TASOR2: variants seen among roughly 807,000 people sequenced by gnomAD.
The protein encoded by TASOR2 is protein TASOR 2.
TASOR2 carries 84 observed loss-of-function variants against 199.5 expected under a neutral mutation model. The ratio of observed to expected loss-of-function variants is 0.42; its 90% CI spans 0.35 to 0.50. The LOEUF (loss-of-function observed/expected upper bound fraction) is 0.50. Among genes scored for constraint, TASOR2 ranks in the 20% least tolerant of loss-of-function variants. The probability of loss-of-function intolerance (pLI) is 0.02; values close to 1 mark genes in which losing one functional copy is unlikely to be tolerated. For synonymous variants in TASOR2, 1,103 were observed against 1,046.6 expected (o/e 1.05, Z -1.04); for missense variants, 2,796 against 2,835.9 (o/e 0.99, Z 0.32).
chr10:5,708,365 G>A (rs1421274992), intron 1 of TASOR2, among the ~76,000 whole-genome samples: 1 of 151,990 alleles, frequency 6.6e-6, no homozygotes, highest in Non-Finnish European at 1.5e-5. Context: ...AAGTATCTGT[G>A]CCTCCATGAA....
At chr10:5,723,860 C>A in intron 7 of TASOR2, 83 bp downstream of exon 8, 1 of 769,302 alleles carries the variant, frequency 1.3e-6, no homozygotes, top group Non-Finnish European at 2.0e-6. Context: ...CTCACACATG[C>A]ACACTTCTGT....
chr10:5,715,995 C>T (rs1259468959), intron 2 of TASOR2, among the ~76,000 whole-genome samples: 2 of 152,272 alleles, frequency 1.3e-5, no homozygotes, highest in Non-Finnish European at 1.5e-5. Flanking sequence ...ACCTAGAGGG[C>T]ATAGCCTACT....
rs17143106 is a variant in TASOR2, at chr10:5,738,622, A to T, written c.1448-996A>T. ...TGCCCTTGTCGTTCTAATTGATGAC[A>T]TCATAGGCTGGAGCTGTCTTCTCTT... On this transcript the variant is annotated intron_variant, in intron 12 of 20. Coordinates refer to ENST00000328090, the Ensembl canonical transcript of TASOR2. This position sits in a 1 kb window ranked among gnomAD's most constrained non-coding sequence, Gnocchi z 4.7. Among the ~76,000 whole-genome samples the T allele has an allele frequency of 0.025, 3,756 of 152,232 alleles. 59 individuals carry two copies. The highest frequency in any genetic ancestry group is 0.037 in the South Asian group (178 of 4,824).
intron 12 of TASOR2, among the ~76,000 whole-genome samples, chr10:5,739,251 T>G (rs1836041024): frequency 6.6e-6 from 1 of 152,192 alleles, no homozygotes; most frequent in South Asian, 2.1e-4. Context: ...TTTGGGTTTT[T>G]TTGTTTGTAC....
At chr10:5,693,740 T>C (rs1172025844) in intron 1 of TASOR2, among the ~76,000 whole-genome samples, 3 of 152,234 alleles carry the variant, frequency 2.0e-5, no homozygotes, top group Non-Finnish European at 4.4e-5. Context: ...ATTATGTTTA[T>C]TTAAAATTTC....
intron 11 of TASOR2, among the ~76,000 whole-genome samples, chr10:5,731,971 A>G (rs1326402001): frequency 6.6e-6 from 1 of 152,226 alleles, no homozygotes; most frequent in African/African-American, 2.4e-5. Flanking sequence ...CAGAGTTTCT[A>G]ATCCTTTATG....
Position 5,723,833 on chromosome 10 carries a change from C to A in TASOR2, c.247+56C>A. The A allele has an allele frequency of 3.3e-6, 4 of 1,194,234 alleles. No individual in the cohort carries two copies. The South Asian group carries it at 6.1e-5, about 18-fold the overall frequency. The allele number at this position is 1,194,234 out of a possible 1,614,324, so 74.0% of individuals were successfully genotyped here. A position where few individuals can be genotyped will look rare whatever the true frequency, so the allele number is the denominator to read the frequency against. On this transcript the variant is annotated intron_variant, in intron 7 of 20. Coordinates refer to ENST00000328090, the Ensembl canonical transcript of TASOR2. ...TCCTGGGCTTTGTTCTGGTTATTTT[C>A]TGCTCTCTTCCAAACACTCACACAT...
rs748410062 is a variant in TASOR2, at chr10:5,720,874, T to G, written c.50T>G (p.Leu17Arg). The G allele has an allele frequency of 3.1e-6, 5 of 1,609,862 alleles. No individual in the cohort carries two copies. In the Admixed American group the frequency reaches 8.4e-5, roughly 27 times the overall value. Reference sequence around the variant, plus strand: ...TTTTTTACCTTCATTTCTTCAGTTCTCATGTCTCCATGGAAAGGGAAATTA... The same window carrying G: ...TTTTTTACCTTCATTTCTTCAGTTCGCATGTCTCCATGGAAAGGGAAATTA... Residue 17 changes from leucine (L) to arginine (R), a missense_variant, in exon 6 of 21, where the codon CTC becomes CGC. Leu to Arg is a moderately radical substitution (Grantham distance 102, BLOSUM62 -2). Around this residue, in one of 3 missense-constraint regions of TASOR2, gnomAD observed 847 missense variants for 887.4 expected, o/e 0.95. Transcript: ENST00000328090. The surrounding 1 kb of genome is among the most constrained non-coding windows in gnomAD (Gnocchi z 5.3).
At chr10:5,755,475 C>T (rs1249083456) in intron 15 of TASOR2, among the ~76,000 whole-genome samples, 1 of 151,522 alleles carries the variant, frequency 6.6e-6, no homozygotes, top group Non-Finnish European at 1.5e-5. Context: ...TAGGGAGGCT[C>T]AGGGAGGTGA....
chr10:5,685,829 A>G lies in TASOR2; in HGVS notation c.-288+654A>G, dbSNP rs1039417164. On this transcript the variant is annotated intron_variant, in intron 1 of 20. Transcript: ENST00000328090. The surrounding 1 kb of genome is among the most constrained non-coding windows in gnomAD (Gnocchi z 5.4). ...CGCTTCTTGTCTATTTGAAATCTGT[A>G]ACTTTAAACAAACCACGCTTACTCT... is the stretch of plus-strand genomic sequence containing the variant. 1.7e-4 allele frequency among the ~76,000 whole-genome samples: 26 copies of G among 152,178 alleles called. No individual in the cohort carries two copies. The highest frequency in any genetic ancestry group is 1.9e-4 in the Non-Finnish European group (13 of 68,014).
Position 5,761,185 on chromosome 10 carries a change from GAA to G in TASOR2, c.6993-103_6993-102del. On this transcript the variant is annotated intron_variant, in intron 18 of 20. Coordinates refer to ENST00000328090, the Ensembl canonical transcript of TASOR2. Reference sequence around the variant, plus strand: ...GTGTCATGAAAAAGAACGTCAAGAAGAAAGGCAGAGGAACTCATGAGTTTGAA... The same window carrying G: ...GTGTCATGAAAAAGAACGTCAAGAAGAGGCAGAGGAACTCATGAGTTTGAA... The G allele has an allele frequency of 4.7e-6, 4 of 845,236 alleles. No homozygotes were observed. In the South Asian group the frequency reaches 6.9e-5, roughly 15 times the overall value. The allele number at this position is 845,236 out of a possible 1,614,324, so 52.4% of individuals were successfully genotyped here.
rs1356098574 is a variant in TASOR2 at position 5,689,829 on chromosome 10, A to G, written c.-288+4654A>G. Among the ~76,000 whole-genome samples, 1 of 152,200 alleles carries G rather than the reference A, an allele frequency of 6.6e-6. No individual in the cohort carries two copies. The highest frequency in any genetic ancestry group is 1.5e-5 in the Non-Finnish European group (1 of 68,028). On this transcript the variant is annotated intron_variant, in intron 1 of 20. Coordinates refer to ENST00000328090, the Ensembl canonical transcript of TASOR2. The surrounding 1 kb of genome is among the most constrained non-coding windows in gnomAD (Gnocchi z 4.1). Reference sequence around the variant, plus strand: ...GTTTCCCACAGCTTCCCCAACAGACATACATTGCCAAACTTGTGGATTTTT... The same window carrying G: ...GTTTCCCACAGCTTCCCCAACAGACGTACATTGCCAAACTTGTGGATTTTT...
chr10:5,695,403 GTACA>G (rs1396221542), intron 1 of TASOR2, among the ~76,000 whole-genome samples: 1 of 152,172 alleles, frequency 6.6e-6, no homozygotes, highest in Non-Finnish European at 1.5e-5. Flanking sequence ...TGACTATTGA[GTACA>G]TACATATACA....
rs892799331 is a variant in TASOR2 at position 5,750,555 on chromosome 10, C to G, written c.6606+528C>G. On this transcript the variant is annotated intron_variant, in intron 15 of 20. Coordinates refer to ENST00000328090, the Ensembl canonical transcript of TASOR2. This position sits in a 1 kb window ranked among gnomAD's most constrained non-coding sequence, Gnocchi z 5.4. The stretch of plus-strand genomic sequence containing the variant: ...TGAACCTGTCTTGATTCACCATTAA[C>G]TTCATTGTTTTATCCTCCCAGAATT... Among the ~76,000 whole-genome samples, 2 of 152,144 alleles carry G rather than the reference C, an allele frequency of 1.3e-5. No individual in the cohort carries two copies. Among genetic ancestry groups the G allele is most frequent in the Non-Finnish European group, 2.9e-5 (2 of 68,024 alleles).
exon 15 of TASOR2, chr10:5,749,453 C>A: frequency 6.2e-7 from 1 of 1,614,176 alleles, no homozygotes; most frequent in Non-Finnish European, 8.5e-7. Flanking sequence ...GAGTCACCAA[C>A]CCAGATCTCC....
intron 1 of TASOR2, among the ~76,000 whole-genome samples, chr10:5,688,665 G>T (rs1231985697): frequency 6.6e-6 from 1 of 152,002 alleles, no homozygotes; most frequent in East Asian, 1.9e-4. Context: ...GAAAACATTG[G>T]TTCACTGAAT....
In TASOR2 at chr10:5,689,717, G is replaced by A. The variant is rs1352911871; in HGVS notation, c.-288+4542G>A. On this transcript the variant is annotated intron_variant, in intron 1 of 20. Transcript: ENST00000328090. The surrounding 1 kb of genome is among the most constrained non-coding windows in gnomAD (Gnocchi z 4.1). ...AATTTATTAAATGTGATTTCCATTCGTGTTATTTATCTTAATGTATAAATA... is the reference window on the plus strand; with the variant it reads ...AATTTATTAAATGTGATTTCCATTCATGTTATTTATCTTAATGTATAAATA... 1.3e-5 allele frequency among the ~76,000 whole-genome samples: 2 copies of A among 152,080 alleles called. No homozygotes were observed. The highest frequency in any genetic ancestry group is 2.1e-4 in the South Asian group (1 of 4,824).
At chr10:5,731,024 C>A in exon 11 of TASOR2, 1 of 1,614,066 alleles carries the variant, frequency 6.2e-7, no homozygotes, top group Non-Finnish European at 8.5e-7. Context: ...TTGAGTCCAG[C>A]GTCAAATCTG....
chr10:5,707,639 A>AGATTCTC (rs1838799658), intron 1 of TASOR2, among the ~76,000 whole-genome samples: 1 of 150,752 alleles, frequency 6.6e-6, no homozygotes, highest in Admixed American at 6.7e-5. Context: ...AGAGTAATTA[A>AGATTCTC]GATTCTCATT....
Sources: gnomAD v4.1 joint callset for allele counts (sites outside exome capture counted in the v4.1 genomes callset) on GRCh38, gnomAD v4.1.1 for gene constraint, gnomAD v4.1.1 regional missense constraint, Gnocchi (gnomAD v3.1) non-coding constraint, MANE v1.5 for transcripts, NCBI Gene and HGNC (gene_info 2026-07-23, HGNC 2026-07-21) for gene names.